The following SNRK variants were observed in gnomAD, a reference collection of about 807,000 sequenced individuals.
SNRK encodes SNF related kinase.
A neutral mutation model predicts 48.2 loss-of-function variants in SNRK; 3 were observed. The observed-to-expected ratio is 0.06, with a 90% CI of 0.03 to 0.16. The LOEUF is 0.16. Ranked by LOEUF, SNRK falls within the 10% of genes least tolerant of loss-of-function variation. SNRK has a pLI of 1.00. For synonymous variants in SNRK, 376 were observed against 366.1 expected, an observed-to-expected ratio of 1.03 and a Z score of -0.31; for missense variants, 627 against 976.0, an observed-to-expected ratio of 0.64 and a Z score of 4.76.
intron 3 of SNRK, among the ~76,000 whole-genome samples, chr3:43,323,470 T>C (rs566231247): frequency 3.3e-5 from 5 of 152,146 alleles, no homozygotes; most frequent in Non-Finnish European, 7.3e-5. Context: ...CTGGCAAGGG[T>C]GTGAATGGAG....
intron 3 of SNRK, among the ~76,000 whole-genome samples, chr3:43,330,550 C>A (rs1411253128): frequency 6.6e-6 from 1 of 152,112 alleles, no homozygotes; most frequent in East Asian, 1.9e-4. Context: ...TTTAAAAAAT[C>A]TTAATAAGGT....
At chr3:43,292,223 C>CGA (rs1444505246) in intron 1 of SNRK, among the ~76,000 whole-genome samples, 11 of 152,114 alleles carry the variant, frequency 7.2e-5, no homozygotes, top group Non-Finnish European at 1.0e-4. Context: ...TGGGTGATAA[C>CGA]GAGAGAGATC....
In SNRK at chr3:43,303,104, A is replaced by G. The variant is rs907386409; in HGVS notation, c.-100A>G. The G allele has an allele frequency of 1.8e-5, 14 of 787,868 alleles. No individual in the cohort carries two copies. The African/African-American group carries it at 2.3e-4, about 13-fold the overall frequency. 48.8% of individuals were successfully genotyped at this position (787,868 alleles called of 1,614,324 possible). A position where few individuals can be genotyped will look rare whatever the true frequency, so the allele number is the denominator to read the frequency against. On this transcript the variant is annotated 5_prime_UTR_variant, in exon 3 of 7. An upstream start codon of the reference 5' UTR is lost. Transcript: ENST00000296088. This position sits in a 1 kb window ranked among gnomAD's most constrained non-coding sequence, Gnocchi z 6.2. ...TTCTCTTCTTATTTTGTAGATATCC[A>G]TGACGACATTGAAAATGAATTTTTT...
At chr3:43,332,137 C>A in intron 3 of SNRK, 32 bp from the exon 4 acceptor site, 4 of 1,466,466 alleles carry the variant, frequency 2.7e-6, no homozygotes, top group South Asian at 1.5e-5. Context: ...TCTAATTAGT[C>A]CAATATTTTA....
chr3:43,324,224 G>A (rs549562408), intron 3 of SNRK, among the ~76,000 whole-genome samples: 26 of 152,218 alleles, frequency 1.7e-4, no homozygotes, highest in East Asian at 3.9e-4. Context: ...TCTTACTGGC[G>A]TTAGGCCGGG....
chr3:43,291,402 C>T (rs2090811436), intron 1 of SNRK, among the ~76,000 whole-genome samples: 1 of 152,092 alleles, frequency 6.6e-6, no homozygotes, highest in Non-Finnish European at 1.5e-5. Context: ...TCCTAGTATC[C>T]AGTACAGGTG....
intron 3 of SNRK, among the ~76,000 whole-genome samples, chr3:43,313,585 C>A (rs540811419): frequency 6.6e-6 from 1 of 152,222 alleles, no homozygotes; most frequent in Admixed American, 6.5e-5. Flanking sequence ...ATGAAGGAGC[C>A]TTGTGGTGAT....
intron 3 of SNRK, among the ~76,000 whole-genome samples, chr3:43,323,259 A>G (rs1559465736): frequency 6.6e-6 from 1 of 152,242 alleles, no homozygotes; most frequent in Non-Finnish European, 1.5e-5. Flanking sequence ...GATCTTTGCA[A>G]CCTTAGGTTA....
intron 6 of SNRK, among the ~76,000 whole-genome samples, chr3:43,344,912 C>G (rs907831301): frequency 2.6e-5 from 4 of 151,976 alleles, no homozygotes; most frequent in African/African-American, 9.7e-5. Flanking sequence ...GAACTCTCTT[C>G]TATTCAGTGA....
Position 43,343,393 on chromosome 3 carries a change from C to G in SNRK, c.994C>G (p.Leu332Val). ...CCATATCACAGCCACATACTTCCTG[C>G]TGGCTGAAAGGATCCTGAGAGAAAA... ...YNHITATYFL[L>V]AERILREKQE... Residue 332 changes from leucine to valine, a missense_variant, in exon 6 of 7, where the codon CTG becomes GTG. Around this residue, in one of 4 missense-constraint regions of SNRK, gnomAD observed 175 missense variants for 209.7 expected, o/e 0.83. Coordinates refer to ENST00000296088, the MANE Select transcript of SNRK (RefSeq NM_017719.5). 1 of 1,614,132 alleles carries G rather than the reference C, an allele frequency of 6.2e-7. No homozygotes were observed. The highest frequency in any genetic ancestry group is 8.5e-7 in the Non-Finnish European group (1 of 1,180,030).
At chr3:43,288,726 G>C (rs2090786614) in intron 1 of SNRK, among the ~76,000 whole-genome samples, 2 of 152,172 alleles carry the variant, frequency 1.3e-5, no homozygotes, top group Non-Finnish European at 2.9e-5. Flanking sequence ...GGGTACAAAT[G>C]AACTTTCCAT....
In SNRK at chr3:43,347,236, T is replaced by G; in HGVS notation, c.1080-103T>G. The G allele has an allele frequency of 2.4e-6, 3 of 1,261,990 alleles. No homozygotes were observed. The highest frequency in any genetic ancestry group is 3.2e-6 in the Non-Finnish European group (3 of 934,118). 78.2% of individuals were successfully genotyped at this position (1,261,990 alleles called of 1,614,324 possible). ...TTTGCAAGGCTGCTGCTTTTTTCTT[T>G]AAGTCTGTAGATTTTGTCCCAGTAA... is the stretch of plus-strand genomic sequence containing the variant. On this transcript the variant is annotated intron_variant, in intron 6 of 6. Coordinates refer to ENST00000296088, the MANE Select transcript of SNRK (RefSeq NM_017719.5). The surrounding 1 kb of genome is among the most constrained non-coding windows in gnomAD (Gnocchi z 5.4).
intron 4 of SNRK, among the ~76,000 whole-genome samples, chr3:43,339,889 T>C (rs2091222080): frequency 7.8e-6 from 1 of 127,668 alleles, no homozygotes; most frequent in South Asian, 2.6e-4. Flanking sequence ...CATGGTATTT[T>C]AGTTGTTGTC....
At chr3:43,289,017 G>T (rs1325226138) in intron 1 of SNRK, among the ~76,000 whole-genome samples, 1 of 152,168 alleles carries the variant, frequency 6.6e-6, no homozygotes, top group Non-Finnish European at 1.5e-5. Flanking sequence ...GGTGGCCCTA[G>T]GGTAGAGGGA....
At chr3:43,330,209 T>G (rs1040436488) in intron 3 of SNRK, among the ~76,000 whole-genome samples, 6 of 152,220 alleles carry the variant, frequency 3.9e-5, no homozygotes, top group African/African-American at 1.4e-4. Flanking sequence ...TACCTGGATG[T>G]TTATTGTTTA....
intron 3 of SNRK, among the ~76,000 whole-genome samples, chr3:43,319,785 T>G (rs1409242147): frequency 6.6e-6 from 1 of 152,236 alleles, no homozygotes; most frequent in East Asian, 1.9e-4. Context: ...TCTGTGGCTC[T>G]TCCCAATCTC....
intron 3 of SNRK, among the ~76,000 whole-genome samples, chr3:43,322,840 T>TA (rs544704175): frequency 1.3e-3 from 191 of 150,362 alleles, no homozygotes; most frequent in African/African-American, 4.5e-3. Context: ...TAGTCCCAGC[T>TA]ACTCAGGAGG....
Position 43,332,194 on chromosome 3 carries a change from T to C in SNRK, c.615T>C (p.Leu205=). The C allele has an allele frequency of 6.3e-7, 1 of 1,594,362 alleles. No individual in the cohort carries two copies. The highest frequency in any genetic ancestry group is 1.8e-5 in the Admixed American group (1 of 56,120). ...ATATTTGGAGTCTGGGAGTGATCCT[T>C]TTCATGTTGGTGTGTGGGCAGCCGC... is the stretch of plus-strand genomic sequence containing the variant. ...AVDIWSLGVI[L]FMLVCGQPPF... Residue 205 remains leucine (L), a synonymous_variant, in exon 4 of 7, where the codon CTT becomes CTC. Transcript: ENST00000296088.
At chr3:43,299,386 C>T (rs984809927) in intron 1 of SNRK, among the ~76,000 whole-genome samples, 28 of 152,254 alleles carry the variant, frequency 1.8e-4, no homozygotes, top group African/African-American at 6.7e-4. Flanking sequence ...CCATATTGGT[C>T]AGGCAAGTCT....
Sources: gnomAD v4.1 joint callset for allele counts (sites outside exome capture counted in the v4.1 genomes callset) on GRCh38, gnomAD v4.1.1 for gene constraint, gnomAD v4.1.1 regional missense constraint, Gnocchi (gnomAD v3.1) non-coding constraint, MANE v1.5 for transcripts, NCBI Gene and HGNC (gene_info 2026-07-23, HGNC 2026-07-21) for gene names.